Variants in SYNPR observed in about 807,000 individuals in gnomAD.
SYNPR encodes synaptoporin.
SYNPR carries 23 observed loss-of-function variants against 32.9 expected under a neutral mutation model. The observed-to-expected ratio is 0.70, with a 90% CI of 0.50 to 0.99. SYNPR has a LOEUF of 0.99. Among genes scored for constraint, SYNPR ranks in the 50% least tolerant of loss-of-function variants. The probability of loss-of-function intolerance (pLI) is 0.00; values close to 1 mark genes in which losing one functional copy is unlikely to be tolerated. For missense variants in SYNPR, 318 were observed against 349.3 expected, an observed-to-expected ratio of 0.91 and a Z score of 0.71; for synonymous variants, 146 against 135.9, an observed-to-expected ratio of 1.07 and a Z score of -0.52.
intron 3 of SYNPR, among the ~76,000 whole-genome samples, chr3:63,497,211 C>T (rs769514890): frequency 9.9e-5 from 15 of 152,030 alleles, no homozygotes; most frequent in African/African-American, 2.9e-4. Flanking sequence ...ACAGTGTGAG[C>T]GAACATTTTG....
chr3:63,495,417 G>A (rs1415198496), intron 3 of SYNPR, among the ~76,000 whole-genome samples: 2 of 152,240 alleles, frequency 1.3e-5, no homozygotes, highest in East Asian at 3.9e-4. Flanking sequence ...ATCTCTTTAG[G>A]CTTAATGCTG....
intron 3 of SYNPR, among the ~76,000 whole-genome samples, chr3:63,530,112 A>G (rs1335059120): frequency 6.6e-6 from 1 of 152,218 alleles, no homozygotes. Flanking sequence ...AGGATATTAA[A>G]TAACAAGTAA....
chr3:63,500,249 T>C (rs1701454410), intron 3 of SYNPR, among the ~76,000 whole-genome samples: 1 of 152,096 alleles, frequency 6.6e-6, no homozygotes, highest in African/African-American at 2.4e-5. Context: ...CTTGAAACAA[T>C]GTGAAAATAA....
intron 2 of SYNPR, among the ~76,000 whole-genome samples, chr3:63,474,909 C>A (rs1297120677): frequency 6.6e-6 from 1 of 152,116 alleles, no homozygotes; most frequent in Non-Finnish European, 1.5e-5. Flanking sequence ...CATTAATCAG[C>A]CTGATTTTCT....
chr3:63,444,001 C>T (rs1470126487), intron 2 of SYNPR, among the ~76,000 whole-genome samples: 2 of 152,108 alleles, frequency 1.3e-5, no homozygotes, highest in Non-Finnish European at 2.9e-5. Context: ...GATGCATGCA[C>T]CTTTAAAAGG....
the SYNPR span, among the ~76,000 whole-genome samples, chr3:63,222,149 T>C: frequency 6.6e-6 from 1 of 151,262 alleles, no homozygotes; most frequent in East Asian, 2.0e-4. Flanking sequence ...TTCTTCCTGA[T>C]AGAATAGAAT....
At chr3:63,519,805 A>G (rs1304331044) in intron 3 of SYNPR, among the ~76,000 whole-genome samples, 1 of 152,236 alleles carries the variant, frequency 6.6e-6, no homozygotes, top group African/African-American at 2.4e-5. Context: ...ATGCTCTTTA[A>G]TGGCACCTTT....
chr3:63,300,300 T>C (rs1021394948), intron 2 of SYNPR, among the ~76,000 whole-genome samples: 3 of 143,954 alleles, frequency 2.1e-5, no homozygotes, highest in African/African-American at 7.6e-5. Flanking sequence ...ATATTCTGAG[T>C]TCTGAGTGTG....
At chr3:63,238,465 C>T (rs754916649) in intron 1 of SYNPR, among the ~76,000 whole-genome samples, 6 of 152,044 alleles carry the variant, frequency 3.9e-5, no homozygotes, top group South Asian at 4.2e-4. Context: ...CTACTCTCCG[C>T]GTCCCCCTTC....
At chr3:63,512,055 C>T (rs149706132) in intron 3 of SYNPR, among the ~76,000 whole-genome samples, 2 of 152,100 alleles carry the variant, frequency 1.3e-5, no homozygotes, top group East Asian at 1.9e-4. Context: ...CATACACAAG[C>T]GAGTAATTAG....
chr3:63,573,360 A>G (rs1209291281), intron 4 of SYNPR, among the ~76,000 whole-genome samples: 6 of 152,094 alleles, frequency 3.9e-5, no homozygotes, highest in African/African-American at 7.2e-5. Flanking sequence ...CAACCTCAGA[A>G]CATTGTGAGG....
intron 4 of SYNPR, among the ~76,000 whole-genome samples, chr3:63,579,207 G>C (rs1022758751): frequency 7.9e-5 from 12 of 152,014 alleles, no homozygotes; most frequent in African/African-American, 2.9e-4. Flanking sequence ...ACCCATTTTA[G>C]GCAAATAAAT....
chr3:63,300,869 C>T (rs2086838669), intron 2 of SYNPR, among the ~76,000 whole-genome samples: 1 of 152,042 alleles, frequency 6.6e-6, no homozygotes. Flanking sequence ...AAATTAAGAG[C>T]ACTAGAATCT....
intron 4 of SYNPR, among the ~76,000 whole-genome samples, chr3:63,591,741 G>A (rs866641958): frequency 7.6e-6 from 1 of 132,120 alleles, no homozygotes; most frequent in Non-Finnish European, 1.6e-5. Context: ...TCACTCATAG[G>A]TGGGAATTGA....
chr3:63,272,191 G>A (rs889516335), intron 3 of SYNPR, among the ~76,000 whole-genome samples: 1 of 152,068 alleles, frequency 6.6e-6, no homozygotes, highest in Non-Finnish European at 1.5e-5. Context: ...TATTTTTCTG[G>A]GTACCTTACT....
intron 2 of SYNPR, among the ~76,000 whole-genome samples, chr3:63,464,203 AT>A (rs1002018493): frequency 2.0e-5 from 3 of 151,774 alleles, no homozygotes; most frequent in Non-Finnish European, 4.4e-5. Flanking sequence ...TTTTTCTCTA[AT>A]TTTTTTTCCT....
At chr3:63,369,690 T>A (rs1356195434) in intron 2 of SYNPR, among the ~76,000 whole-genome samples, 1 of 152,224 alleles carries the variant, frequency 6.6e-6, no homozygotes, top group Non-Finnish European at 1.5e-5. Flanking sequence ...TACCCACTGG[T>A]GTGAAGGCGA....
At chr3:63,413,812 C>T (rs2088500956) in intron 2 of SYNPR, among the ~76,000 whole-genome samples, 1 of 151,992 alleles carries the variant, frequency 6.6e-6, no homozygotes, top group South Asian at 2.1e-4. Flanking sequence ...TTCCATGCTG[C>T]CCAGATGTGA....
chr3:63,276,039 C>T (rs768395941), upstream of SYNPR, among the ~76,000 whole-genome samples: 17 of 152,146 alleles, frequency 1.1e-4, no homozygotes, highest in Non-Finnish European at 2.5e-4. Context: ...TTTTTGTTTG[C>T]TCAGCTTCAT....
Sources: allele counts gnomAD v4.1 joint callset (sites outside exome capture counted in the v4.1 genomes callset), GRCh38; gene constraint gnomAD v4.1.1; transcripts MANE v1.5; gene names NCBI Gene and HGNC (gene_info 2026-07-23, HGNC 2026-07-21).